Variants in PACS2 observed in about 807,000 individuals in gnomAD.
The protein encoded by PACS2 is phosphofurin acidic cluster sorting protein 2, also known as PACS1-like protein.
PACS2 carries 36 observed loss-of-function variants against 113.0 expected under a neutral mutation model. That is an observed-to-expected ratio of 0.32 (90% CI 0.24 to 0.42). The LOEUF (loss-of-function observed/expected upper bound fraction) is 0.42. Ranked by LOEUF, PACS2 falls within the 10% of genes least tolerant of loss-of-function variation. The pLI is 1.00. For missense variants in PACS2, 1,015 were observed against 1,239.5 expected, an observed-to-expected ratio of 0.82 and a Z score of 2.72; for synonymous variants, 589 against 536.1, an observed-to-expected ratio of 1.10 and a Z score of -1.36.
chr14:105,392,076 CAAG>C (rs1438854368), intron 22 of PACS2: 6 of 431,402 alleles, frequency 1.4e-5, no homozygotes, highest in Admixed American at 4.2e-5. Flanking sequence ...GCAGAAGGTG[CAAG>C]AGACGTGAGT....
At chr14:105,367,692 CAGGTGCCACAG>C (rs2060986391) in intron 5 of PACS2, among the ~76,000 whole-genome samples, 1 of 152,266 alleles carries the variant, frequency 6.6e-6, no homozygotes, top group South Asian at 2.1e-4. Context: ...CCGCCATGGG[CAGGTGCCACAG>C]CTGCCGCCAC....
At chr14:105,392,937 G>A (rs1260607843) in intron 23 of PACS2, 92 bp downstream of exon 23, 7 of 1,045,354 alleles carry the variant, frequency 6.7e-6, no homozygotes, top group Non-Finnish European at 1.0e-5. Context: ...ACAGCCCCCG[G>A]GCTGGCCTCG....
At chr14:105,361,021 T>C (rs1161672853) in intron 4 of PACS2, among the ~76,000 whole-genome samples, 1 of 152,256 alleles carries the variant, frequency 6.6e-6, no homozygotes, top group Non-Finnish European at 1.5e-5. Flanking sequence ...CCTCAGGCTC[T>C]GCTTCTAATC....
At chr14:105,345,518 G>A (rs1424986771) in intron 1 of PACS2, among the ~76,000 whole-genome samples, 3 of 152,178 alleles carry the variant, frequency 2.0e-5, no homozygotes, top group Non-Finnish European at 2.9e-5. Flanking sequence ...GCTGCACCTG[G>A]CAGATTGACG....
At position 105,387,706 on chromosome 14, in the gene PACS2, G is replaced by A. The variant is rs115353043; in HGVS notation, c.2033+1989G>A. Among the ~76,000 whole-genome samples the A allele has an allele frequency of 5.4e-3, 818 of 152,334 alleles. 9 individuals carry two copies. The highest frequency in any genetic ancestry group is 0.019 in the African/African-American group (777 of 41,574). ...CTGTGTTGTGACGTCTCCTGCATTC[G>A]GCCCTCATCTGCCACGCACTGCCCC... On this transcript the variant is annotated intron_variant, in intron 19 of 24. Transcript: ENST00000447393.
chr14:105,307,079 C>T (rs2058211176), intron 1 of PACS2, among the ~76,000 whole-genome samples: 2 of 151,428 alleles, frequency 1.3e-5, no homozygotes, highest in Admixed American at 1.3e-4. Context: ...GGGTCTCACT[C>T]TGTCACCCAG....
At chr14:105,377,682 G>A (rs1183606574) in intron 9 of PACS2, among the ~76,000 whole-genome samples, 1 of 152,198 alleles carries the variant, frequency 6.6e-6, no homozygotes, top group Non-Finnish European at 1.5e-5. Context: ...GCCACGCAGC[G>A]GCCTCCCACC....
chr14:105,328,320 C>T (rs1223503083), intron 1 of PACS2, among the ~76,000 whole-genome samples: 1 of 152,190 alleles, frequency 6.6e-6, no homozygotes, highest in Non-Finnish European at 1.5e-5. Context: ...GAATGTGGTC[C>T]CTTCAGAAAG....
chr14:105,341,966 C>T (rs782773166), intron 1 of PACS2, among the ~76,000 whole-genome samples: 9 of 152,158 alleles, frequency 5.9e-5, no homozygotes, highest in South Asian at 2.1e-4. Flanking sequence ...GCATCTTGGG[C>T]GAGGGGGCAC....
Position 105,349,849 on chromosome 14 carries a change from T to TA in PACS2, c.207+1269_207+1270insA, listed in dbSNP as rs59362839. Among the ~76,000 whole-genome samples the TA allele has an allele frequency of 3.9e-3, 533 of 135,326 alleles. 6 individuals carry two copies. Among genetic ancestry groups the TA allele is most frequent in the African/African-American group, 0.017 (496 of 29,512 alleles). 88.8% of individuals were successfully genotyped at this position (135,326 alleles called of 152,430 possible). On this transcript the variant is annotated intron_variant, in intron 2 of 24. Transcript: ENST00000447393. ...AGAACTTCCAGGAGTGCGTGGCTAA[T>TA]GCAGGACCCGGAGAACTTCCAGGAG...
At chr14:105,360,681 T>C (rs2060648459) in intron 4 of PACS2, among the ~76,000 whole-genome samples, 1 of 152,178 alleles carries the variant, frequency 6.6e-6, no homozygotes, top group African/African-American at 2.4e-5. Context: ...CTAGGGTGCC[T>C]GTGGCAATTT....
intron 1 of PACS2, among the ~76,000 whole-genome samples, chr14:105,327,417 C>A (rs1244316556): frequency 6.6e-6 from 1 of 152,242 alleles, no homozygotes; most frequent in Non-Finnish European, 1.5e-5. Flanking sequence ...ATAGCTCCTG[C>A]ACCATCCTCT....
At chr14:105,334,679 G>C (rs587661845) in intron 1 of PACS2, among the ~76,000 whole-genome samples, 2 of 152,364 alleles carry the variant, frequency 1.3e-5, no homozygotes, top group Admixed American at 6.5e-5. Flanking sequence ...TGTCTGTGTA[G>C]AGCTCCACCT....
intron 1 of PACS2, among the ~76,000 whole-genome samples, chr14:105,316,210 G>A (rs587598455): frequency 2.1e-4 from 32 of 151,936 alleles, no homozygotes; most frequent in African/African-American, 7.0e-4. Flanking sequence ...ACCTGGCGGG[G>A]CCTCCCGAAG....
At chr14:105,335,910 A>G (rs982402448) in intron 1 of PACS2, among the ~76,000 whole-genome samples, 1 of 152,198 alleles carries the variant, frequency 6.6e-6, no homozygotes, top group Non-Finnish European at 1.5e-5. Flanking sequence ...AACTCTCTCC[A>G]TGAGGACGGC....
At position 105,348,457 on chromosome 14, in the gene PACS2, C is replaced by A; in HGVS notation, c.120-36C>A. On this transcript the variant is annotated intron_variant, in intron 1 of 24. Transcript: ENST00000447393. This position sits in a 1 kb window ranked among gnomAD's most constrained non-coding sequence, Gnocchi z 6.4. Reference sequence around the variant, plus strand: ...ACAGGGCCGCGTCCTGAGGAGAGGGCGGAGCCCCGAGGCTGAGCTGTGCCT... The same window carrying A: ...ACAGGGCCGCGTCCTGAGGAGAGGGAGGAGCCCCGAGGCTGAGCTGTGCCT... 6.6e-7 allele frequency: 1 copy of A among 1,526,422 alleles called. No homozygotes were observed. Among genetic ancestry groups the A allele is most frequent in the Non-Finnish European group, 9.1e-7 (1 of 1,104,772 alleles). The allele number at this position is 1,526,422 out of a possible 1,614,324, so 94.6% of individuals were successfully genotyped here.
chr14:105,352,925 G>GGT (rs2060262504), intron 3 of PACS2, among the ~76,000 whole-genome samples: 1 of 134,596 alleles, frequency 7.4e-6, no homozygotes, highest in Non-Finnish European at 1.6e-5. Context: ...TGTCCCCTGG[G>GGT]GAGATGGGCC....
At position 105,356,120 on chromosome 14, in the gene PACS2, T is replaced by C. The variant is rs587608721; in HGVS notation, c.423+943T>C. Among the ~76,000 whole-genome samples, 1 of 152,216 alleles carries C rather than the reference T, an allele frequency of 6.6e-6. No homozygotes were observed. Among genetic ancestry groups the C allele is most frequent in the Admixed American group, 6.5e-5 (1 of 15,294 alleles). ...CACTTTGTCCCCCTGCTCCTGGGGC[T>C]TGGGGCTGGGACAGTGGGGGTGCCC... On this transcript the variant is annotated intron_variant, in intron 4 of 24. Coordinates refer to ENST00000447393, the MANE Select transcript of PACS2 (RefSeq NM_001100913.3). This position sits in a 1 kb window ranked among gnomAD's most constrained non-coding sequence, Gnocchi z 4.0.
rs1235316986 is a variant in PACS2, at chr14:105,334,510, A to G, written c.120-13983A>G. On this transcript the variant is annotated intron_variant, in intron 1 of 24. Transcript: ENST00000447393. The stretch of plus-strand genomic sequence containing the variant: ...CAGTGTCTACGTAGAGCTCCACCTG[A>G]GGCCCAATATGTGCGTAGAGCTCCA... Among the ~76,000 whole-genome samples, 88 of 151,886 alleles carry G rather than the reference A, an allele frequency of 5.8e-4. 1 individual carries two copies. The highest frequency in any genetic ancestry group is 1.2e-4 in the Non-Finnish European group (8 of 67,938).
Sources: gnomAD v4.1 joint callset for allele counts (sites outside exome capture counted in the v4.1 genomes callset) on GRCh38, gnomAD v4.1.1 for gene constraint, Gnocchi (gnomAD v3.1) non-coding constraint, MANE v1.5 for transcripts, NCBI Gene and HGNC (gene_info 2026-07-23, HGNC 2026-07-21) for gene names.